ACKR2: variants seen among roughly 807,000 people sequenced by gnomAD.
ACKR2 encodes C-C chemokine receptor D6.
For synonymous variants in ACKR2, 207 were observed against 192.2 expected (o/e 1.08, Z -0.64); for missense variants, 457 against 477.3 (o/e 0.96, Z 0.40).
intron 2 of ACKR2, among the ~76,000 whole-genome samples, chr3:42,824,415 A>G (rs1201360427): frequency 6.6e-6 from 1 of 152,232 alleles, no homozygotes; most frequent in Non-Finnish European, 1.5e-5. Flanking sequence ...GCAATTTAAT[A>G]TAACCACAAA....
At position 42,864,952 on chromosome 3, in the gene ACKR2, G is replaced by A; in HGVS notation, c.450G>A (p.Gln150=). Residue 150 remains glutamine (Q), a synonymous_variant, in exon 3 of 3, where the codon CAG becomes CAA. Transcript: ENST00000422265. ...LDKYLEIVHA[Q]PYHRLRTRAK... is the part of the protein sequence containing the mutation. ...AGTACCTGGAGATCGTTCATGCTCA[G>A]CCCTACCACAGGCTGAGGACCCGGG... is the stretch of plus-strand genomic sequence containing the variant. The A allele has an allele frequency of 6.2e-7, 1 of 1,614,134 alleles. No homozygotes were observed. Among genetic ancestry groups the A allele is most frequent in the Non-Finnish European group, 8.5e-7 (1 of 1,180,032 alleles).
rs148509599 is a variant in ACKR2, at chr3:42,839,394, A to G, written c.-38+19683A>G. ...TGATAACTCCCATCAACAGTGCAGC[A>G]GCAAAGCAAACCCCAAATTGGAAAC... On this transcript the variant is annotated intron_variant, in intron 2 of 2. Coordinates refer to ENST00000422265, the MANE Select transcript of ACKR2 (RefSeq NM_001296.5). 3.9e-5 allele frequency: 6 copies of G among 152,284 alleles called. No individual in the cohort carries two copies. In the East Asian group the frequency reaches 1.2e-3, roughly 29 times the overall value. 9.4% of individuals were successfully genotyped at this position (152,284 alleles called of 1,614,324 possible). A position where few individuals can be genotyped will look rare whatever the true frequency, so the allele number is the denominator to read the frequency against.
Position 42,836,849 on chromosome 3 carries a change from A to C in ACKR2, c.-38+17138A>C, listed in dbSNP as rs549114505. Among the ~76,000 whole-genome samples, 45 of 152,218 alleles carry C rather than the reference A, an allele frequency of 3.0e-4. 1 individual carries two copies. In the South Asian group the frequency reaches 9.1e-3, roughly 31 times the overall value. ...TATGAAATGGGCTGGGCTAATACTG[A>C]CTGCTGGACTCTTAAGTCATCATCT... On this transcript the variant is annotated intron_variant, in intron 2 of 2. Coordinates refer to ENST00000422265, the MANE Select transcript of ACKR2 (RefSeq NM_001296.5).
At chr3:42,839,863 T>C (rs1324969607) in intron 2 of ACKR2, among the ~76,000 whole-genome samples, 2 of 152,150 alleles carry the variant, frequency 1.3e-5, no homozygotes, top group Admixed American at 1.3e-4. Flanking sequence ...TAGAAGTGCA[T>C]GTAAAGGCTT....
intron 2 of ACKR2, among the ~76,000 whole-genome samples, chr3:42,837,617 G>T (rs1052796094): frequency 4.0e-4 from 61 of 152,064 alleles, no homozygotes; most frequent in African/African-American, 1.4e-3. Context: ...GTTATCTCCA[G>T]GTCCCTGGCA....
rs550370044 is a variant in ACKR2, at chr3:42,864,524, C to G, written c.22C>G (p.Gln8Glu). 6 of 1,605,628 alleles carry G rather than the reference C, an allele frequency of 3.7e-6. No homozygotes were observed. The African/African-American group carries it at 5.3e-5, about 14-fold the overall frequency. Reference protein sequence around the residue: MAATASPQPLATEDADSE... With the variant: MAATASPEPLATEDADSE... ...CAACATGGCCGCCACTGCCTCTCCG[C>G]AGCCACTCGCCACTGAGGATGCCGA... The change falls in exon 3 of 3, where the codon CAG (glutamine) becomes GAG (glutamate). Residue 8 changes from glutamine (Q) to glutamate (E), a missense_variant. Coordinates refer to ENST00000422265, the MANE Select transcript of ACKR2 (RefSeq NM_001296.5).
intron 1 of ACKR2, among the ~76,000 whole-genome samples, chr3:42,816,233 TAA>T (rs1559682999): frequency 6.6e-6 from 1 of 151,494 alleles, no homozygotes; most frequent in Non-Finnish European, 1.5e-5. Flanking sequence ...CTTTGCATTT[TAA>T]AATGTCTTTT....
At chr3:42,838,050 A>G (rs1476146584) in intron 2 of ACKR2, among the ~76,000 whole-genome samples, 2 of 152,182 alleles carry the variant, frequency 1.3e-5, no homozygotes, top group African/African-American at 2.4e-5. Flanking sequence ...CTCATCAATC[A>G]TAGGCCTAAA....
chr3:42,823,197 G>GT (rs1700826835), intron 2 of ACKR2, among the ~76,000 whole-genome samples: 1 of 152,062 alleles, frequency 6.6e-6, no homozygotes, highest in South Asian at 2.1e-4. Flanking sequence ...CCTTCCTCTT[G>GT]TTTTCTTCAT....
At chr3:42,841,899 A>C (rs372490729) in intron 2 of ACKR2, 29 of 152,330 alleles carry the variant, frequency 1.9e-4, no homozygotes, top group African/African-American at 7.0e-4. Context: ...AACACCTAGT[A>C]GTTAGGCACA....
intron 2 of ACKR2, among the ~76,000 whole-genome samples, chr3:42,830,690 C>CTTT (rs71288037): frequency 9.5e-5 from 14 of 148,020 alleles, no homozygotes; most frequent in South Asian, 4.3e-4. Flanking sequence ...TTTTTCTTTT[C>CTTT]TTTTTTTTTT....
intron 2 of ACKR2, among the ~76,000 whole-genome samples, chr3:42,833,679 G>C (rs1700955140): frequency 6.6e-6 from 1 of 150,816 alleles, no homozygotes; most frequent in African/African-American, 2.4e-5. Flanking sequence ...ATACTACTTA[G>C]TGGGAATGAC....
chr3:42,846,170 C>CATCA (rs1701093187), intron 2 of ACKR2, among the ~76,000 whole-genome samples: 3 of 151,864 alleles, frequency 2.0e-5, no homozygotes, highest in Admixed American at 1.3e-4. Context: ...GCCATGTAAG[C>CATCA]ATCAGCATTA....
At chr3:42,822,928 T>G (rs948909840) in intron 2 of ACKR2, among the ~76,000 whole-genome samples, 18 of 151,870 alleles carry the variant, frequency 1.2e-4, no homozygotes, top group African/African-American at 4.4e-4. Flanking sequence ...CCACCAGATC[T>G]CAGGCTTGTG....
chr3:42,861,335 G>A (rs1032691916), intron 2 of ACKR2, among the ~76,000 whole-genome samples: 1 of 152,188 alleles, frequency 6.6e-6, no homozygotes, highest in African/African-American at 2.4e-5. Flanking sequence ...TCCCTGAATA[G>A]ATCATTCACA....
At chr3:42,844,255 G>A (rs550213596) in intron 2 of ACKR2, among the ~76,000 whole-genome samples, 5 of 152,300 alleles carry the variant, frequency 3.3e-5, no homozygotes, top group East Asian at 1.9e-4. Flanking sequence ...GTGGGGAGGT[G>A]AGGCAGAGGA....
At chr3:42,821,506 C>T (rs1471370327) in intron 2 of ACKR2, among the ~76,000 whole-genome samples, 1 of 152,004 alleles carries the variant, frequency 6.6e-6, no homozygotes, top group Non-Finnish European at 1.5e-5. Context: ...GTATTATTAC[C>T]CCCATTTTAT....
intron 1 of ACKR2, among the ~76,000 whole-genome samples, chr3:42,810,621 T>G (rs139743329): frequency 0.01 from 1,559 of 152,238 alleles, 26 homozygotes; most frequent in African/African-American, 0.036. Flanking sequence ...AATCGAATGT[T>G]TAGCCAACCA....
At chr3:42,818,970 TGTTA>T (rs1300634113) in intron 1 of ACKR2, among the ~76,000 whole-genome samples, 1 of 151,988 alleles carries the variant, frequency 6.6e-6, no homozygotes, top group African/African-American at 2.4e-5. Context: ...TTGTTCTTTC[TGTTA>T]GTTCTTTGCT....
Sources: gnomAD v4.1 joint callset for allele counts (sites outside exome capture counted in the v4.1 genomes callset) on GRCh38, gnomAD v4.1.1 for gene constraint, MANE v1.5 for transcripts, NCBI Gene and HGNC (gene_info 2026-07-23, HGNC 2026-07-21) for gene names.